The following BIRC2 variants were observed in gnomAD, a reference collection of about 807,000 sequenced individuals.
BIRC2 encodes baculoviral IAP repeat containing 2.
BIRC2 carries 18 observed loss-of-function variants against 60.9 expected under a neutral mutation model. The observed-to-expected ratio is 0.30, with a 90% CI of 0.20 to 0.44. BIRC2 has a LOEUF of 0.44. BIRC2 is among the 20% of genes least tolerant of loss of function. The pLI, the probability that BIRC2 is intolerant of heterozygous loss-of-function variation, is 1.00. For missense variants in BIRC2, 701 were observed against 728.5 expected (o/e 0.96, Z 0.43); for synonymous variants, 282 against 247.7 (o/e 1.14, Z -1.30).
chr11:102,377,434 T>C, intron 6 of BIRC2, 62 bp from the exon 7 acceptor site: 1 of 1,453,152 alleles, frequency 6.9e-7, no homozygotes, highest in Non-Finnish European at 9.3e-7. Context: ...TATTAGTGAC[T>C]ATATGAGTAT....
chr11:102,377,977 T>A lies in BIRC2; in HGVS notation c.1664-13T>A, dbSNP rs762131726. ...GTGGAAACAATTTCACTAAAGTTAT[T>A]TTTTGTTATTAGGTCTGTCACTGGA... On this transcript the variant is annotated splice_polypyrimidine_tract_variant and intron_variant, in intron 8 of 8. Transcript: ENST00000227758. 6.2e-7 allele frequency: 1 copy of A among 1,601,638 alleles called. No homozygotes were observed. The highest frequency in any genetic ancestry group is 8.5e-7 in the Non-Finnish European group (1 of 1,176,298).
Position 102,368,330 on chromosome 11 carries a change from G to C in BIRC2, c.1148G>C (p.Ser383Thr). The C allele has an allele frequency of 6.2e-7, 1 of 1,613,232 alleles. No homozygotes were observed. The highest frequency in any genetic ancestry group is 8.5e-7 in the Non-Finnish European group (1 of 1,179,602). ...GTTATTCATTTTGGACCTGGAGAAA[G>C]TTCTTCAGAAGATGCTGTCATGATG... ...PPIIHFGPGE[S>T]SSEDAVMMNT... The change falls in exon 6 of 9, where the codon AGT becomes ACT. Residue 383 changes from serine to threonine, a missense_variant. Ser to Thr is a moderately conservative substitution (Grantham distance 58). Coordinates refer to ENST00000227758, the MANE Select transcript of BIRC2 (RefSeq NM_001166.5).
chr11:102,354,987 C>T lies in BIRC2; in HGVS notation c.995+4044C>T, dbSNP rs934478394. Among the ~76,000 whole-genome samples, 48 of 134,196 alleles carry T rather than the reference C, an allele frequency of 3.6e-4. No individual in the cohort carries two copies. In the Admixed American group the frequency reaches 3.7e-3, roughly 10 times the overall value. 88.0% of individuals were successfully genotyped at this position (134,196 alleles called of 152,430 possible). A position where few individuals can be genotyped will look rare whatever the true frequency, so the allele number is the denominator to read the frequency against. On this transcript the variant is annotated intron_variant, in intron 3 of 8. Transcript: ENST00000227758. ...TTTTGCTATTGAGTTGTATAAGTTCCTTAAATATTTTAGATATTAACTCCT... is the reference window on the plus strand; with the variant it reads ...TTTTGCTATTGAGTTGTATAAGTTCTTTAAATATTTTAGATATTAACTCCT...
chr11:102,362,333 A>G (rs890494327), intron 3 of BIRC2, among the ~76,000 whole-genome samples: 5 of 152,196 alleles, frequency 3.3e-5, no homozygotes, highest in Admixed American at 3.3e-4. Flanking sequence ...TATAGATGGT[A>G]TGTGAACTTC....
chr11:102,358,220 G>T (rs555377287), intron 3 of BIRC2, among the ~76,000 whole-genome samples: 89 of 152,272 alleles, frequency 5.8e-4, no homozygotes, highest in Non-Finnish European at 1.1e-3. Flanking sequence ...CTGTTTGATG[G>T]AATGTTCTGT....
intron 3 of BIRC2, among the ~76,000 whole-genome samples, chr11:102,358,823 A>G: frequency 6.6e-6 from 1 of 152,150 alleles, no homozygotes; most frequent in East Asian, 1.9e-4. Flanking sequence ...TGCATGGAAT[A>G]TCTTTTTTCC....
intron 5 of BIRC2, among the ~76,000 whole-genome samples, chr11:102,364,156 TATATATATATATATATATACACACAC>T (rs1281824819): frequency 4.3e-5 from 3 of 70,016 alleles, no homozygotes; most frequent in African/African-American, 1.9e-4. Flanking sequence ...TATATATATA[TATATATATATATATATATACACACAC>T]ACACAGAGAG....
intron 5 of BIRC2, among the ~76,000 whole-genome samples, chr11:102,365,772 T>TGTGTGTGTGTGTG (rs1565336199): frequency 7.3e-6 from 1 of 137,708 alleles, no homozygotes; most frequent in African/African-American, 2.8e-5. Context: ...GTGTGTGTGT[T>TGTGTGTGTGTGTG]TGTAGATACA....
rs1007093540 is a variant in BIRC2, at chr11:102,375,621, A to G, written c.1367-1875A>G. ...CGATGAAACCCCGTCTTGACTAAAA[A>G]TACAAAAAATTAGCCGGGCATGGTG... is the stretch of plus-strand genomic sequence containing the variant. On this transcript the variant is annotated intron_variant, in intron 6 of 8. Transcript: ENST00000227758. Among the ~76,000 whole-genome samples the G allele has an allele frequency of 2.6e-5, 4 of 152,108 alleles. No homozygotes were observed. The East Asian group carries it at 7.7e-4, about 29-fold the overall frequency.
intron 6 of BIRC2, 52 bp downstream of exon 6, chr11:102,368,600 C>T: frequency 2.5e-6 from 4 of 1,588,196 alleles, no homozygotes; most frequent in Non-Finnish European, 2.6e-6. Context: ...GCTCTTAGGA[C>T]TGTCTCACAT....
intron 6 of BIRC2, among the ~76,000 whole-genome samples, chr11:102,374,822 CCG>C (rs1301390235): frequency 6.6e-6 from 1 of 152,230 alleles, no homozygotes; most frequent in East Asian, 1.9e-4. Context: ...CAGCGAGACT[CCG>C]TGGGCGTAGG....
chr11:102,348,867 T>G lies in BIRC2; in HGVS notation c.-988T>G. The G allele has an allele frequency of 5.2e-6, 1 of 194,088 alleles. No homozygotes were observed. The highest frequency in any genetic ancestry group is 1.1e-5 in the Non-Finnish European group (1 of 93,144). The allele number at this position is 194,088 out of a possible 1,614,324, so 12.0% of individuals were successfully genotyped here. ...ATAACACTAGAAAGGACAAGTTTTA[T>G]CTTGTGATAAATTGATTAATGTTTA... On this transcript the variant is annotated 5_prime_UTR_variant, in exon 2 of 9. Transcript: ENST00000227758.
intron 6 of BIRC2, among the ~76,000 whole-genome samples, chr11:102,375,461 C>G (rs1404432661): frequency 1.3e-5 from 2 of 152,154 alleles, no homozygotes; most frequent in African/African-American, 4.8e-5. Flanking sequence ...GTCTGGACTT[C>G]TACATTGAAA....
intron 1 of BIRC2, chr11:102,347,923 C>T (rs1011421317): frequency 6.6e-6 from 1 of 152,196 alleles, no homozygotes; most frequent in South Asian, 2.1e-4. Context: ...GAGAATGCAG[C>T]AGTGCGGTGC....
At chr11:102,366,357 ACCATC>A (rs1358786516) in intron 5 of BIRC2, among the ~76,000 whole-genome samples, 1 of 146,398 alleles carries the variant, frequency 6.8e-6, no homozygotes, top group African/African-American at 2.5e-5. Context: ...ACTACATCTC[ACCATC>A]TCCACCACTG....
rs537928483 is a variant in BIRC2, at chr11:102,363,577, A to G, written c.1075-91A>G. The stretch of plus-strand genomic sequence containing the variant: ...ACTCAGTTCTCAAAAGAACATATAC[A>G]TTTACTTAAAGTAAGCTTATTTTAG... On this transcript the variant is annotated intron_variant, in intron 4 of 8. Coordinates refer to ENST00000227758, the MANE Select transcript of BIRC2 (RefSeq NM_001166.5). 5.2e-6 allele frequency: 5 copies of G among 963,684 alleles called. No homozygotes were observed. In the African/African-American group the frequency reaches 8.2e-5, roughly 16 times the overall value. The allele number at this position is 963,684 out of a possible 1,614,324, so 59.7% of individuals were successfully genotyped here.
In BIRC2 at chr11:102,350,134, A is replaced by C. The variant is rs1951338816; in HGVS notation, c.280A>C (p.Lys94Gln). The C allele has an allele frequency of 4.3e-6, 7 of 1,614,220 alleles. No individual in the cohort carries two copies. The highest frequency in any genetic ancestry group is 5.9e-6 in the Non-Finnish European group (7 of 1,180,036). ...FCCGLMLDNWKLGDSPIQKHK... is the reference protein window; with the variant it reads ...FCCGLMLDNWQLGDSPIQKHK... ...TTGTGGCCTGATGCTGGATAACTGG[A>C]AACTAGGAGACAGTCCTATTCAAAA... The change falls in exon 2 of 9, where the codon AAA becomes CAA. Residue 94 changes from lysine to glutamine, a missense_variant. Coordinates refer to ENST00000227758, the MANE Select transcript of BIRC2 (RefSeq NM_001166.5).
At chr11:102,374,195 G>T (rs1951671376) in intron 6 of BIRC2, among the ~76,000 whole-genome samples, 2 of 151,398 alleles carry the variant, frequency 1.3e-5, no homozygotes, top group African/African-American at 4.9e-5. Context: ...ATCCAGCTTT[G>T]TTCCGTTGCT....
At position 102,350,881 on chromosome 11, in the gene BIRC2, T is replaced by C; in HGVS notation, c.933T>C (p.Gly311=). The change falls in exon 3 of 9, where the codon GGT becomes GGC. Residue 311 remains glycine, a synonymous_variant. Transcript: ENST00000227758. ...NDDVKCFCCD[G]GLRCWESGDD... ...ATGTCAAATGCTTTTGTTGTGATGG[T>C]GGCTTGAGGTGTTGGGAATCTGGAG... is the stretch of plus-strand genomic sequence containing the variant. The C allele has an allele frequency of 1.9e-6, 3 of 1,614,104 alleles. No individual in the cohort carries two copies. The highest frequency in any genetic ancestry group is 2.5e-6 in the Non-Finnish European group (3 of 1,179,980).
Sources: allele counts gnomAD v4.1 joint callset (sites outside exome capture counted in the v4.1 genomes callset), GRCh38; gene constraint gnomAD v4.1.1; transcripts MANE v1.5; gene names NCBI Gene and HGNC (gene_info 2026-07-23, HGNC 2026-07-21).